Variants in PRRC2C observed in about 807,000 individuals in gnomAD.
PRRC2C encodes the protein proline rich coiled-coil 2C.
A neutral mutation model predicts 317.2 loss-of-function variants in PRRC2C; 72 were observed. That is an observed-to-expected ratio of 0.23 (90% CI 0.19 to 0.28). PRRC2C has a LOEUF of 0.28. PRRC2C is among the 10% of genes least tolerant of loss of function. The pLI is 1.00. For missense variants in PRRC2C, 3,074 were observed against 3,459.7 expected, an observed-to-expected ratio of 0.89 and a Z score of 2.80; for synonymous variants, 1,296 against 1,205.9, an observed-to-expected ratio of 1.07 and a Z score of -1.55.
intron 2 of PRRC2C, 103 bp from the exon 3 acceptor site, chr1:171,512,892 A>T (rs1310703628): frequency 2.0e-6 from 2 of 1,023,086 alleles, no homozygotes; most frequent in Non-Finnish European, 2.7e-6. Context: ...AATGAAAATC[A>T]TTCAGGGATT....
At chr1:171,504,956 A>G (rs1398181292) in intron 1 of PRRC2C, among the ~76,000 whole-genome samples, 1 of 151,986 alleles carries the variant, frequency 6.6e-6, no homozygotes, top group Non-Finnish European at 1.5e-5. Context: ...TAGCTTTTTA[A>G]ATAACGTTTT....
At chr1:171,516,430 T>G (rs1672376970) in intron 5 of PRRC2C, among the ~76,000 whole-genome samples, 1 of 152,200 alleles carries the variant, frequency 6.6e-6, no homozygotes, top group Non-Finnish European at 1.5e-5. Flanking sequence ...GACAGAAGTG[T>G]TTACAAATTC....
chr1:171,508,346 A>G (rs1379864990), intron 1 of PRRC2C, among the ~76,000 whole-genome samples: 1 of 152,190 alleles, frequency 6.6e-6, no homozygotes, highest in East Asian at 1.9e-4. Flanking sequence ...AGTTTTTATC[A>G]TGAAAGGATG....
At chr1:171,530,218 A>G (rs891835269) in intron 11 of PRRC2C, among the ~76,000 whole-genome samples, 3 of 146,848 alleles carry the variant, frequency 2.0e-5, no homozygotes, top group African/African-American at 7.6e-5. Flanking sequence ...TTCCTAATAC[A>G]TCTGACGAAG....
Position 171,536,027 on chromosome 1 carries a change from A to T in PRRC2C, c.2044-2A>T. 6.4e-7 allele frequency: 1 copy of T among 1,552,156 alleles called. No homozygotes were observed. Among genetic ancestry groups the T allele is most frequent in the Non-Finnish European group, 8.7e-7 (1 of 1,147,078 alleles). On this transcript the variant is annotated splice_acceptor_variant, in intron 13 of 34. Transcript: ENST00000647382. LOFTEE classifies it high-confidence loss of function. ...TCAAGATATGGGATCTTACTTTTTCAGGAACAGATGAAACAGCAGCAGTGG... is the reference window on the plus strand; with the variant it reads ...TCAAGATATGGGATCTTACTTTTTCTGGAACAGATGAAACAGCAGCAGTGG...
At chr1:171,579,303 A>T (rs1435405997) in intron 26 of PRRC2C, 51 bp from the exon 27 acceptor site, 1 of 1,531,902 alleles carries the variant, frequency 6.5e-7, no homozygotes, top group African/African-American at 1.4e-5. Context: ...TGTTTGGAAA[A>T]TTCTGAAATT....
At chr1:171,544,909 AC>A (rs1412781714) in intron 16 of PRRC2C, among the ~76,000 whole-genome samples, 2 of 152,236 alleles carry the variant, frequency 1.3e-5, no homozygotes, top group East Asian at 3.8e-4. Context: ...ATTTAAAAAA[AC>A]AACCTGAAAT....
Position 171,544,794 on chromosome 1 carries a change from C to A in PRRC2C, c.4764-685C>A, listed in dbSNP as rs546782518. ...AAATGAACTCATTCTTAAAATGTTT[C>A]AGGTTATGACCAGGGACCTGGTAAG... On this transcript the variant is annotated intron_variant, in intron 16 of 34. Transcript: ENST00000647382. Among the ~76,000 whole-genome samples, 8 of 152,236 alleles carry A rather than the reference C, an allele frequency of 5.3e-5. No individual in the cohort carries two copies. The East Asian group carries it at 1.4e-3, about 26-fold the overall frequency.
rs151167409 is a variant in PRRC2C, at chr1:171,584,155, G to A, written c.7609G>A (p.Gly2537Ser). ...HQLGQASGLG[G>S]SQLIDTHLLQ... is the part of the protein sequence containing the mutation. The stretch of plus-strand genomic sequence containing the variant: ...ACTGGGGCAGGCATCAGGACTAGGA[G>A]GTTCCCAGCTGATTGACACACATCT... Residue 2537 changes from glycine to serine, a missense_variant, in exon 29 of 35, where the codon GGT (glycine) becomes AGT (serine). Gly to Ser is a moderately conservative substitution (Grantham distance 56, BLOSUM62 0). Around this residue, in one of 11 missense-constraint regions of PRRC2C, gnomAD observed 490 missense variants for 663.1 expected, o/e 0.74. Coordinates refer to ENST00000647382, the MANE Select transcript of PRRC2C (RefSeq NM_001387844.1). 62 of 1,613,798 alleles carry A rather than the reference G, an allele frequency of 3.8e-5. No homozygotes were observed. The African/African-American group carries it at 8.0e-4, about 21-fold the overall frequency.
chr1:171,576,064 A>T (rs1685646747), intron 25 of PRRC2C, among the ~76,000 whole-genome samples: 2 of 152,232 alleles, frequency 1.3e-5, no homozygotes, highest in South Asian at 4.1e-4. Context: ...ACGCTGCATT[A>T]ACATTTTAAA....
intron 1 of PRRC2C, chr1:171,511,193 T>TCAAAAACAAAAA (rs143693711): frequency 3.3e-5 from 5 of 150,458 alleles, no homozygotes; most frequent in East Asian, 3.9e-4. Context: ...CAATAACCCC[T>TCAAAAACAAAAA]CAAAAACAAA....
rs771997077 is a variant in PRRC2C, at chr1:171,587,163, C to T, written c.7910C>T (p.Pro2637Leu). Residue 2637 changes from proline to leucine, a missense_variant, in exon 31 of 35, where the codon CCT (proline) becomes CTT (leucine). Physicochemically the swap from Pro to Leu is moderately conservative, Grantham distance 98. Around this residue, in one of 11 missense-constraint regions of PRRC2C, gnomAD observed 490 missense variants for 663.1 expected, o/e 0.74. Coordinates refer to ENST00000647382, the MANE Select transcript of PRRC2C (RefSeq NM_001387844.1). ...AGTCGTCCTGCACAAGTAAGCCAGCCTTTCAGAGGATTAATTCCTGCTGGA... is the reference window on the plus strand; with the variant it reads ...AGTCGTCCTGCACAAGTAAGCCAGCTTTTCAGAGGATTAATTCCTGCTGGA... ...SLSRPAQVSQPFRGLIPAGTQ... is the reference protein window; with the variant it reads ...SLSRPAQVSQLFRGLIPAGTQ... 1 of 1,610,724 alleles carries T rather than the reference C, an allele frequency of 6.2e-7. No individual in the cohort carries two copies. Among genetic ancestry groups the T allele is most frequent in the Non-Finnish European group, 8.5e-7 (1 of 1,178,538 alleles).
chr1:171,522,085 T>G (rs550062938), intron 6 of PRRC2C, 92 bp from the exon 7 acceptor site: 109 of 518,092 alleles, frequency 2.1e-4, no homozygotes, highest in Non-Finnish European at 2.5e-4. Context: ...AAATTGTAAC[T>G]TCAGGCCTAG....
intron 10 of PRRC2C, among the ~76,000 whole-genome samples, chr1:171,525,925 A>G (rs1674482779): frequency 6.6e-6 from 1 of 152,238 alleles, no homozygotes; most frequent in Non-Finnish European, 1.5e-5. Flanking sequence ...TTTAAAATGT[A>G]TGCTATATGA....
intron 19 of PRRC2C, among the ~76,000 whole-genome samples, chr1:171,558,380 G>GA (rs1349096535): frequency 7.1e-6 from 1 of 140,874 alleles, no homozygotes; most frequent in African/African-American, 3.2e-5. Context: ...GCAATGTTTG[G>GA]GGGGGTCTTG....
intron 16 of PRRC2C, 59 bp downstream of exon 16, chr1:171,542,288 G>T: frequency 2.2e-6 from 3 of 1,377,824 alleles, no homozygotes; most frequent in Non-Finnish European, 2.9e-6. Flanking sequence ...TAAAAGTAGA[G>T]TTCTTGGTTG....
rs1286781707 is a variant in PRRC2C at position 171,589,488 on chromosome 1, C to T, written c.8319C>T (p.Thr2773=). The change falls in exon 34 of 35, where the codon ACC becomes ACT. Residue 2773 remains threonine, a synonymous_variant. Coordinates refer to ENST00000647382, the MANE Select transcript of PRRC2C (RefSeq NM_001387844.1). ...CCAGTCAGATGCCTCCTCCGCTGACCACAGGCCTCATGAGCCATGCTCGTT... is the reference window on the plus strand; with the variant it reads ...CCAGTCAGATGCCTCCTCCGCTGACTACAGGCCTCATGAGCCATGCTCGTT... ...ALASQMPPPL[T]TGLMSHARLP... 7.8e-6 allele frequency: 10 copies of T among 1,289,806 alleles called. No individual in the cohort carries two copies. The highest frequency in any genetic ancestry group is 9.1e-6 in the Non-Finnish European group (9 of 988,862). The allele number at this position is 1,289,806 out of a possible 1,614,324, so 79.9% of individuals were successfully genotyped here. A position where few individuals can be genotyped will look rare whatever the true frequency, so the allele number is the denominator to read the frequency against.
Position 171,541,486 on chromosome 1 carries a change from G to T in PRRC2C, c.4020G>T (p.Glu1340Asp). ...KAKPGFLPKG[E>D]PTRRGRGGTF... ...AACCAGGCTTTCTTCCTAAAGGAGA[G>T]CCTACAAGGAGAGGCAGAGGGGGAA... Residue 1340 changes from glutamate to aspartate, a missense_variant, in exon 16 of 35, where the codon GAG becomes GAT. Coordinates refer to ENST00000647382, the MANE Select transcript of PRRC2C (RefSeq NM_001387844.1). This position sits in a 1 kb window ranked among gnomAD's most constrained non-coding sequence, Gnocchi z 4.1. The T allele has an allele frequency of 2.5e-6, 4 of 1,613,746 alleles. No individual in the cohort carries two copies. The highest frequency in any genetic ancestry group is 3.4e-6 in the Non-Finnish European group (4 of 1,179,766).
chr1:171,578,613 A>G lies in PRRC2C; in HGVS notation c.7160-741A>G, dbSNP rs183233768. Among the ~76,000 whole-genome samples the G allele has an allele frequency of 2.4e-3, 362 of 152,306 alleles. 5 individuals carry two copies. Among genetic ancestry groups the G allele is most frequent in the Non-Finnish European group, 1.2e-3 (85 of 68,032 alleles). ...CTAGGCACCGTGGCTCACGCCTGTAATCCCAGCACTTTGGGAGGCTGAGGC... is the reference window on the plus strand; with the variant it reads ...CTAGGCACCGTGGCTCACGCCTGTAGTCCCAGCACTTTGGGAGGCTGAGGC... On this transcript the variant is annotated intron_variant, in intron 26 of 34. Transcript: ENST00000647382.
Sources: allele counts gnomAD v4.1 joint callset (sites outside exome capture counted in the v4.1 genomes callset), GRCh38; gene constraint gnomAD v4.1.1; regional missense constraint gnomAD v4.1.1; non-coding constraint Gnocchi (gnomAD v3.1); transcripts MANE v1.5; gene names NCBI Gene and HGNC (gene_info 2026-07-23, HGNC 2026-07-21).